NRXN3: variants seen among roughly 807,000 people sequenced by gnomAD.
NRXN3 encodes the protein neurexin 3, also known as neurexin III.
Under a neutral mutation model 137.6 loss-of-function variants are expected in NRXN3, and 32 were observed. That is an observed-to-expected ratio of 0.23 (90% confidence interval 0.18 to 0.31). The LOEUF is 0.31. NRXN3 is among the 10% of genes least tolerant of loss of function. The probability of loss-of-function intolerance (pLI) is 1.00; values close to 1 mark genes in which losing one functional copy is unlikely to be tolerated. For synonymous variants in NRXN3, 798 were observed against 784.5 expected, an observed-to-expected ratio of 1.02 and a Z score of -0.29; for missense variants, 1,574 against 2,062.5, an observed-to-expected ratio of 0.76 and a Z score of 4.59.
intron 20 of NRXN3, among the ~76,000 whole-genome samples, chr14:79,818,256 TG>T (rs1402601456): frequency 6.6e-6 from 1 of 152,080 alleles, no homozygotes; most frequent in Non-Finnish European, 1.5e-5. Flanking sequence ...GGTTTCACCG[TG>T]GTAGCCAGGA....
intron 15 of NRXN3, among the ~76,000 whole-genome samples, chr14:79,423,763 TG>T (rs1374841288): frequency 6.6e-6 from 1 of 152,194 alleles, no homozygotes; most frequent in East Asian, 1.9e-4. Flanking sequence ...GCCTAGTATG[TG>T]GTAAACATGG....
chr14:78,458,180 G>A (rs117820023), intron 4 of NRXN3, among the ~76,000 whole-genome samples: 205 of 152,276 alleles, frequency 1.3e-3, no homozygotes, highest in Admixed American at 3.7e-3. Flanking sequence ...TTCTGACCTA[G>A]AGAGAGACAC....
chr14:79,368,196 G>A (rs898416580), intron 15 of NRXN3, among the ~76,000 whole-genome samples: 12 of 152,266 alleles, frequency 7.9e-5, no homozygotes, highest in African/African-American at 2.9e-4. Flanking sequence ...AGGAATTGAA[G>A]TGACTGCATA....
chr14:78,202,130 G>A (rs929798685), intron 1 of NRXN3, among the ~76,000 whole-genome samples: 4 of 152,106 alleles, frequency 2.6e-5, no homozygotes, highest in South Asian at 2.1e-4. Context: ...GGTGAGCCGC[G>A]GCATGCCTTC....
At chr14:79,090,547 C>T (rs1180593737) in intron 15 of NRXN3, among the ~76,000 whole-genome samples, 1 of 152,040 alleles carries the variant, frequency 6.6e-6, no homozygotes, top group Admixed American at 6.6e-5. Context: ...TCACCTTGCC[C>T]TACAAACCTC....
At chr14:78,539,576 AT>A (rs1372297582) in intron 4 of NRXN3, among the ~76,000 whole-genome samples, 4 of 151,990 alleles carry the variant, frequency 2.6e-5, no homozygotes, top group African/African-American at 9.7e-5. Flanking sequence ...GGATTCATTA[AT>A]TTTTTGAAGG....
chr14:78,189,558 G>A (rs1020776494), intron 1 of NRXN3, among the ~76,000 whole-genome samples: 1 of 151,454 alleles, frequency 6.6e-6, no homozygotes, highest in African/African-American at 2.4e-5. Context: ...CCACCTCCAA[G>A]CCTTTGTCCC....
At chr14:78,583,077 C>T (rs1449370389) in intron 4 of NRXN3, among the ~76,000 whole-genome samples, 1 of 152,144 alleles carries the variant, frequency 6.6e-6, no homozygotes, top group Non-Finnish European at 1.5e-5. Context: ...GGGATACTAA[C>T]ATTCACACAG....
chr14:79,664,920 A>G (rs1404158088), intron 17 of NRXN3, among the ~76,000 whole-genome samples: 1 of 152,068 alleles, frequency 6.6e-6, no homozygotes, highest in Non-Finnish European at 1.5e-5. Flanking sequence ...ACTCCTCACA[A>G]TTTTCTCACC....
At position 78,426,452 on chromosome 14, in the gene NRXN3, A is replaced by G. The variant is rs564824970; in HGVS notation, c.757+128592A>G. On this transcript the variant is annotated intron_variant, in intron 4 of 20. Coordinates refer to ENST00000335750, the MANE Select transcript of NRXN3 (RefSeq NM_001330195.2). ...TTCTAGGTTCCTGGCTGGGGCCCCT[A>G]TAACAAAAGATGGATTAAGAAGAGA... Among the ~76,000 whole-genome samples the G allele has an allele frequency of 2.2e-4, 33 of 152,360 alleles. 1 individual carries two copies. The East Asian group carries it at 6.4e-3, about 29-fold the overall frequency.
intron 9 of NRXN3, among the ~76,000 whole-genome samples, chr14:78,804,462 A>AT (rs937702832): frequency 1.5e-4 from 23 of 152,174 alleles, no homozygotes; most frequent in African/African-American, 5.3e-4. Context: ...ACGTATACCC[A>AT]TTTTTCTTCT....
intron 4 of NRXN3, among the ~76,000 whole-genome samples, chr14:78,609,780 G>T (rs1218327136): frequency 6.6e-6 from 1 of 152,166 alleles, no homozygotes; most frequent in African/African-American, 2.4e-5. Flanking sequence ...GCCAGCAAAA[G>T]TATGCTTGTA....
intron 15 of NRXN3, among the ~76,000 whole-genome samples, chr14:79,082,008 G>C (rs1468400840): frequency 6.6e-6 from 1 of 151,296 alleles, no homozygotes; most frequent in African/African-American, 2.4e-5. Flanking sequence ...AGAGGGGAAG[G>C]CATAAATATA....
At chr14:78,630,393 T>A (rs78841199) in intron 4 of NRXN3, among the ~76,000 whole-genome samples, 138 of 152,210 alleles carry the variant, frequency 9.1e-4, no homozygotes, top group Non-Finnish European at 6.3e-4. Flanking sequence ...GACAGGAAAT[T>A]ACAAAACCAA....
intron 4 of NRXN3, among the ~76,000 whole-genome samples, chr14:78,457,998 G>T (rs1414472072): frequency 6.6e-6 from 1 of 152,130 alleles, no homozygotes; most frequent in African/African-American, 2.4e-5. Context: ...ACCTTATCTA[G>T]GGCTGCTGGT....
intron 4 of NRXN3, among the ~76,000 whole-genome samples, chr14:78,463,091 A>G (rs2094974243): frequency 1.3e-5 from 2 of 152,188 alleles, no homozygotes; most frequent in South Asian, 2.1e-4. Flanking sequence ...TAAGTGAGAC[A>G]TGCTGTATTT....
intron 4 of NRXN3, among the ~76,000 whole-genome samples, chr14:78,310,221 A>G (rs961647789): frequency 1.4e-5 from 2 of 147,762 alleles, no homozygotes; most frequent in African/African-American, 5.0e-5. Context: ...TCTACTGTAT[A>G]TCTAAGGTCA....
chr14:79,776,711 T>C (rs1195976175), intron 19 of NRXN3, among the ~76,000 whole-genome samples: 1 of 152,106 alleles, frequency 6.6e-6, no homozygotes, highest in African/African-American at 2.4e-5. Flanking sequence ...AGACAAAGAA[T>C]GTGGCTAGAG....
At position 78,932,424 on chromosome 14, in the gene NRXN3, TG is replaced by T. The variant is rs567194111; in HGVS notation, c.2276-24817del. On this transcript the variant is annotated intron_variant, in intron 10 of 20. Transcript: ENST00000335750. ...ACCTGTTGACAGGTGGTCCAATTTT[TG>T]TGTTTAATTTAGAAGAAATTCTGAA... Among the ~76,000 whole-genome samples the T allele has an allele frequency of 4.6e-5, 7 of 152,320 alleles. No homozygotes were observed. The East Asian group carries it at 1.4e-3, about 29-fold the overall frequency.
Sources: allele counts gnomAD v4.1 joint callset (sites outside exome capture counted in the v4.1 genomes callset), GRCh38; gene constraint gnomAD v4.1.1; transcripts MANE v1.5; gene names NCBI Gene and HGNC (gene_info 2026-07-23, HGNC 2026-07-21).